Variants in MYRFL observed in about 807,000 individuals in gnomAD.
The protein encoded by MYRFL is myelin regulatory factor-like protein.
Under a neutral mutation model 109.4 loss-of-function variants are expected in MYRFL, and 88 were observed. The ratio of observed to expected loss-of-function variants is 0.80; its 90% confidence interval spans 0.68 to 0.96. The LOEUF (loss-of-function observed/expected upper bound fraction) is 0.96. Ranked by LOEUF, MYRFL falls within the 40% of genes least tolerant of loss-of-function variation. The pLI is 0.00. For synonymous variants in MYRFL, 324 were observed against 320.9 expected (o/e 1.01, Z -0.10); for missense variants, 957 against 954.9 (o/e 1.00, Z -0.03).
At chr12:69,846,607 T>G (rs1268029891) in intron 1 of MYRFL, among the ~76,000 whole-genome samples, 1 of 152,162 alleles carries the variant, frequency 6.6e-6, no homozygotes, top group East Asian at 1.9e-4. Context: ...TTGTTGGACA[T>G]TTGGGTTGGT....
chr12:69,891,600 T>TCCTCCTTC (rs1555249244), intron 7 of MYRFL, among the ~76,000 whole-genome samples: 2 of 134,714 alleles, frequency 1.5e-5, no homozygotes, highest in Admixed American at 7.2e-5. Context: ...TTTCTTTCTT[T>TCCTCCTTC]CTTTCTCTTT....
In MYRFL at chr12:69,910,072, A is replaced by T. The variant is rs1381623592; in HGVS notation, c.1487A>T (p.Gln496Leu). 1.3e-6 allele frequency: 2 copies of T among 1,515,404 alleles called. No individual in the cohort carries two copies. Among genetic ancestry groups the T allele is most frequent in the African/African-American group, 2.8e-5 (2 of 71,944 alleles). 93.9% of individuals were successfully genotyped at this position (1,515,404 alleles called of 1,614,324 possible). Residue 496 changes from glutamine to leucine, a missense_variant, in exon 12 of 25, where the codon CAA (glutamine) becomes CTA (leucine). By Grantham distance (113) the Gln-to-Leu change is moderately radical. Coordinates refer to ENST00000552032, the MANE Select transcript of MYRFL (RefSeq NM_182530.3). Reference protein sequence around the residue: ...ASAMGINTAHQTGMIAQEVQE... With the variant: ...ASAMGINTAHLTGMIAQEVQE... Reference sequence around the variant, plus strand: ...GCAATGGGAATAAACACTGCCCATCAAACAGGTACACACACAAATTCCCCT... The same window carrying T: ...GCAATGGGAATAAACACTGCCCATCTAACAGGTACACACACAAATTCCCCT...
chr12:69,887,618 T>G (rs1182066949), intron 6 of MYRFL, among the ~76,000 whole-genome samples: 2 of 152,248 alleles, frequency 1.3e-5, no homozygotes, highest in Non-Finnish European at 2.9e-5. Context: ...ATTTACCTAC[T>G]TAAGCCTTCT....
In MYRFL at chr12:69,908,759, A is replaced by T. The variant is rs1414900891; in HGVS notation, c.1384-1210A>T. Among the ~76,000 whole-genome samples the T allele has an allele frequency of 6.6e-5, 10 of 152,302 alleles. No homozygotes were observed. In the East Asian group the frequency reaches 9.6e-4, roughly 15 times the overall value. ...ACAAACTTTTAAAAGGCAATTTTTT[A>T]AAACTTTTATTTTAAGTTCAGGGGT... On this transcript the variant is annotated intron_variant, in intron 11 of 24. Coordinates refer to ENST00000552032, the MANE Select transcript of MYRFL (RefSeq NM_182530.3).
intron 21 of MYRFL, among the ~76,000 whole-genome samples, chr12:69,954,755 G>A (rs751635607): frequency 4.6e-5 from 7 of 152,042 alleles, no homozygotes; most frequent in African/African-American, 7.2e-5. Context: ...GGAGTTTTTC[G>A]TTACAATACG....
intron 13 of MYRFL, among the ~76,000 whole-genome samples, chr12:69,913,340 C>T (rs538118273): frequency 6.6e-6 from 1 of 152,220 alleles, no homozygotes; most frequent in East Asian, 1.9e-4. Context: ...CCTTTTGTTG[C>T]CTATGCCAAT....
intron 2 of MYRFL, among the ~76,000 whole-genome samples, chr12:69,873,932 T>G (rs1476517810): frequency 6.6e-6 from 1 of 152,188 alleles, no homozygotes; most frequent in Non-Finnish European, 1.5e-5. Flanking sequence ...TAGAATTTCA[T>G]TTTATCTGTT....
intron 10 of MYRFL, among the ~76,000 whole-genome samples, chr12:69,897,599 A>G (rs1566008261): frequency 6.6e-6 from 1 of 152,214 alleles, no homozygotes; most frequent in East Asian, 1.9e-4. Flanking sequence ...TTTTTACTCT[A>G]TGTTCTAGGC....
rs1037592744 is a variant in MYRFL, at chr12:69,909,969, G to T, written c.1384G>T (p.Val462Phe). ...ATCTGCTCTTCTTTAATTAAATTAG[G>T]TTGACACGAATGAACAGCTGAAAAG... ...DSRAKQNIQE[V>F]DTNEQLKRIA... Residue 462 changes from valine to phenylalanine, a missense_variant and splice_region_variant, in exon 12 of 25, where the codon GTT (valine) becomes TTT (phenylalanine). Val to Phe is a conservative substitution (Grantham distance 50, BLOSUM62 -1). Transcript: ENST00000552032. The T allele has an allele frequency of 3.8e-5, 58 of 1,521,974 alleles. No individual in the cohort carries two copies. Among genetic ancestry groups the T allele is most frequent in the Non-Finnish European group, 4.5e-5 (51 of 1,142,226 alleles). The allele number at this position is 1,521,974 out of a possible 1,614,324, so 94.3% of individuals were successfully genotyped here. A position where few individuals can be genotyped will look rare whatever the true frequency, so the allele number is the denominator to read the frequency against.
chr12:69,854,972 G>T (rs1292044230), intron 1 of MYRFL, among the ~76,000 whole-genome samples: 2 of 152,048 alleles, frequency 1.3e-5, no homozygotes, highest in African/African-American at 4.8e-5. Flanking sequence ...TTTTCATTTT[G>T]TAAACAAGGA....
chr12:69,948,063 G>A (rs183653426), intron 19 of MYRFL, among the ~76,000 whole-genome samples: 47 of 152,150 alleles, frequency 3.1e-4, no homozygotes, highest in African/African-American at 1.0e-3. Context: ...ACTATATGAA[G>A]CTTATAATGA....
chr12:69,891,564 T>A (rs1886809243), intron 7 of MYRFL, among the ~76,000 whole-genome samples: 1 of 82,598 alleles, frequency 1.2e-5, no homozygotes, highest in African/African-American at 4.4e-5. Context: ...GGTGTCAATT[T>A]CTTTCTTTCT....
At chr12:69,851,680 A>G (rs1883882116) in intron 1 of MYRFL, among the ~76,000 whole-genome samples, 1 of 152,194 alleles carries the variant, frequency 6.6e-6, no homozygotes, top group South Asian at 2.1e-4. Context: ...TTATTTTGAG[A>G]CAAGGTCTAG....
intron 15 of MYRFL, among the ~76,000 whole-genome samples, chr12:69,929,770 T>C (rs977569621): frequency 5.9e-5 from 9 of 152,192 alleles, no homozygotes; most frequent in Non-Finnish European, 1.0e-4. Context: ...ATTCATTAGC[T>C]GTGTGATCTC....
At chr12:69,840,224 G>T (rs1162636304) in intron 1 of MYRFL, among the ~76,000 whole-genome samples, 5 of 152,154 alleles carry the variant, frequency 3.3e-5, no homozygotes, top group African/African-American at 1.2e-4. Context: ...CTGTCTGAAT[G>T]TATGTCCAGT....
intron 20 of MYRFL, 79 bp from the exon 21 acceptor site, chr12:69,952,720 T>C: frequency 1.0e-6 from 1 of 993,924 alleles, no homozygotes; most frequent in South Asian, 1.7e-5. Context: ...TTCTGTAATT[T>C]GAGGACTGTG....
At chr12:69,900,254 AACAC>A (rs1954136809) in intron 10 of MYRFL, among the ~76,000 whole-genome samples, 1 of 152,192 alleles carries the variant, frequency 6.6e-6, no homozygotes, top group African/African-American at 2.4e-5. Context: ...TACACATGCA[AACAC>A]ACACAAACAC....
chr12:69,885,948 G>A (rs756510871), intron 5 of MYRFL, among the ~76,000 whole-genome samples: 1 of 151,910 alleles, frequency 6.6e-6, no homozygotes, highest in Non-Finnish European at 1.5e-5. Context: ...TGCAGTTGAG[G>A]GAAGTAAGAC....
chr12:69,901,535 T>G (rs1038151976), intron 10 of MYRFL, among the ~76,000 whole-genome samples: 3 of 152,230 alleles, frequency 2.0e-5, no homozygotes, highest in Non-Finnish European at 4.4e-5. Flanking sequence ...TCCACTTATA[T>G]CTGCTGTTCC....
Sources: allele counts gnomAD v4.1 joint callset (sites outside exome capture counted in the v4.1 genomes callset), GRCh38; gene constraint gnomAD v4.1.1; transcripts MANE v1.5; gene names NCBI Gene and HGNC (gene_info 2026-07-23, HGNC 2026-07-21).